The following GORASP1 variants were observed in gnomAD, a reference collection of about 807,000 sequenced individuals.
GORASP1 encodes the protein Golgi reassembly-stacking protein 1.
Under a neutral mutation model 37.7 loss-of-function variants are expected in GORASP1, and 31 were observed. The ratio of observed to expected loss-of-function variants is 0.82; its 90% CI spans 0.62 to 1.11. GORASP1 has a LOEUF of 1.11. Among genes scored for constraint, GORASP1 ranks in the 50% least tolerant of loss-of-function variants. The probability of loss-of-function intolerance (pLI) is 0.00; values close to 1 mark genes in which losing one functional copy is unlikely to be tolerated. For missense variants in GORASP1, 476 were observed against 560.7 expected (o/e 0.85, Z 1.53); for synonymous variants, 204 against 224.8 (o/e 0.91, Z 0.83).
At chr3:39,106,920 G>T in intron 1 of GORASP1, 1 of 332,262 alleles carries the variant, frequency 3.0e-6, no homozygotes, top group Non-Finnish European at 6.3e-6. Flanking sequence ...CACTCTCCCG[G>T]CCCTCCCGCT....
In GORASP1 at chr3:39,100,798, G is replaced by A; in HGVS notation, c.515C>T (p.Ser172Phe). The change falls in exon 5 of 9, where the codon TCC becomes TTC. Residue 172 changes from serine to phenylalanine, a missense_variant. Transcript: ENST00000319283. The surrounding 1 kb of genome is among the most constrained non-coding windows in gnomAD (Gnocchi z 4.6). ...GGGAGTTACAGTCACCTCCCGGCAG[G>A]AGTCTGACTTGGAGTTATACACCAT... ...KLMVYNSKSD[S>F]CREVTVTPNA... is the part of the protein sequence containing the mutation. 1 of 1,614,112 alleles carries A rather than the reference G, an allele frequency of 6.2e-7. No homozygotes were observed. Among genetic ancestry groups the A allele is most frequent in the Non-Finnish European group, 8.5e-7 (1 of 1,179,998 alleles).
At position 39,098,740 on chromosome 3, in the gene GORASP1, C is replaced by G; in HGVS notation, c.1069+1G>C. The G allele has an allele frequency of 1.9e-6, 3 of 1,613,542 alleles. No individual in the cohort carries two copies. Among genetic ancestry groups the G allele is most frequent in the African/African-American group, 2.7e-5 (2 of 75,040 alleles). On this transcript the variant is annotated splice_donor_variant, in intron 8 of 8. Transcript: ENST00000319283. LOFTEE classifies it high-confidence loss of function. This position sits in a 1 kb window ranked among gnomAD's most constrained non-coding sequence, Gnocchi z 4.7. Reference sequence around the variant, plus strand: ...GACTTCGGAAGGTGATGGCCACTCACCACCCCGCTCATGAGAACTGCTGCT... The same window carrying G: ...GACTTCGGAAGGTGATGGCCACTCAGCACCCCGCTCATGAGAACTGCTGCT...
At chr3:39,101,127 G>C (rs1202742933) in intron 3 of GORASP1, 25 bp from the exon 4 acceptor site, 1 of 1,610,048 alleles carries the variant, frequency 6.2e-7, no homozygotes, top group South Asian at 1.1e-5. Context: ...GCAAACCACT[G>C]GCCATGCTAC....
intron 1 of GORASP1, among the ~76,000 whole-genome samples, chr3:39,104,361 A>G (rs755914677): frequency 4.6e-5 from 7 of 152,050 alleles, no homozygotes; most frequent in Non-Finnish European, 8.8e-5. Context: ...AAGCACAACA[A>G]CCAGGCTTTG....
rs748722781 is a variant in GORASP1 at position 39,099,380 on chromosome 3, G to A, written c.889C>T (p.Pro297Ser). 5.0e-6 allele frequency: 8 copies of A among 1,613,586 alleles called. No individual in the cohort carries two copies. In the South Asian group the frequency reaches 5.5e-5, roughly 11 times the overall value. The part of the protein sequence containing the change: ...HFMETPLQPP[P>S]PVQRVMDPGF... ...GGGTCCATAACTCGCTGCACTGGAGGTGGGGGCTGAAGAGGAGTCTCCATG... is the reference window on the plus strand; with the variant it reads ...GGGTCCATAACTCGCTGCACTGGAGATGGGGGCTGAAGAGGAGTCTCCATG... The change falls in exon 7 of 9, where the codon CCT becomes TCT. Residue 297 changes from proline (P) to serine (S), a missense_variant. Transcript: ENST00000319283.
In GORASP1 at chr3:39,105,073, A is replaced by G. The variant is rs1191745241; in HGVS notation, c.64-1520T>C. 6.6e-6 allele frequency among the ~76,000 whole-genome samples: 1 copy of G among 152,124 alleles called. No individual in the cohort carries two copies. Among genetic ancestry groups the G allele is most frequent in the African/African-American group, 2.4e-5 (1 of 41,408 alleles). On this transcript the variant is annotated intron_variant, in intron 1 of 8. Coordinates refer to ENST00000319283, the MANE Select transcript of GORASP1 (RefSeq NM_031899.4). This position sits in a 1 kb window ranked among gnomAD's most constrained non-coding sequence, Gnocchi z 5.4. ...CATCATGAATGAGGTCCAGAGGGTC[A>G]GGCCCCAGGCCTGGCCTCCTTGACC...
At position 39,100,743 on chromosome 3, in the gene GORASP1, G is replaced by A; in HGVS notation, c.566+4C>T. ...CCCTGCAGCCCTCCAACCCCACGAA[G>A]TACCTGCCCTCTCCACCCCAGGCTG... On this transcript the variant is annotated splice_donor_region_variant and intron_variant, in intron 5 of 8. Coordinates refer to ENST00000319283, the MANE Select transcript of GORASP1 (RefSeq NM_031899.4). The surrounding 1 kb of genome is among the most constrained non-coding windows in gnomAD (Gnocchi z 4.6). 1 of 1,613,356 alleles carries A rather than the reference G, an allele frequency of 6.2e-7. No individual in the cohort carries two copies. Among genetic ancestry groups the A allele is most frequent in the Non-Finnish European group, 8.5e-7 (1 of 1,179,932 alleles).
At chr3:39,107,296 G>C (rs1384076857) in intron 1 of GORASP1, 183 bp downstream of exon 1, 4 of 460,046 alleles carry the variant, frequency 8.7e-6, no homozygotes, top group Non-Finnish European at 3.9e-6. Flanking sequence ...GCCAGGGTCC[G>C]GGAGTCCCGC....
chr3:39,102,620 C>A lies in GORASP1; in HGVS notation c.348+58G>T. ...CCCTCACACCCCGCCCACACCCAGACCTGCCCCAGTAAACTCATCCTTCCG... is the reference window on the plus strand; with the variant it reads ...CCCTCACACCCCGCCCACACCCAGAACTGCCCCAGTAAACTCATCCTTCCG... On this transcript the variant is annotated intron_variant, in intron 3 of 8. Coordinates refer to ENST00000319283, the MANE Select transcript of GORASP1 (RefSeq NM_031899.4). This position sits in a 1 kb window ranked among gnomAD's most constrained non-coding sequence, Gnocchi z 5.0. 18 of 1,578,310 alleles carry A rather than the reference C, an allele frequency of 1.1e-5. No individual in the cohort carries two copies. Among genetic ancestry groups the A allele is most frequent in the Non-Finnish European group, 1.6e-5 (18 of 1,150,770 alleles).
chr3:39,103,171 C>G lies in GORASP1; in HGVS notation c.145-290G>C. 1.7e-6 allele frequency: 1 copy of G among 592,186 alleles called. No individual in the cohort carries two copies. The highest frequency in any genetic ancestry group is 3.0e-6 in the Non-Finnish European group (1 of 332,516). The allele number at this position is 592,186 out of a possible 1,614,324, so 36.7% of individuals were successfully genotyped here. On this transcript the variant is annotated intron_variant, in intron 2 of 8. Coordinates refer to ENST00000319283, the MANE Select transcript of GORASP1 (RefSeq NM_031899.4). The surrounding 1 kb of genome is among the most constrained non-coding windows in gnomAD (Gnocchi z 5.2). ...TCCACAGCATTCCAGTGCTGCCCCACTCTGAGCTGCCCCTTGGCCAGGGCC... is the reference window on the plus strand; with the variant it reads ...TCCACAGCATTCCAGTGCTGCCCCAGTCTGAGCTGCCCCTTGGCCAGGGCC...
At position 39,100,580 on chromosome 3, in the gene GORASP1, C is replaced by G. The variant is rs1479013968; in HGVS notation, c.567-77G>C. 4 of 1,484,602 alleles carry G rather than the reference C, an allele frequency of 2.7e-6. No individual in the cohort carries two copies. Among genetic ancestry groups the G allele is most frequent in the Non-Finnish European group, 2.7e-6 (3 of 1,102,890 alleles). 92.0% of individuals were successfully genotyped at this position (1,484,602 alleles called of 1,614,324 possible). On this transcript the variant is annotated intron_variant, in intron 5 of 8. Transcript: ENST00000319283. This position sits in a 1 kb window ranked among gnomAD's most constrained non-coding sequence, Gnocchi z 4.6. ...TACCTTTGCTATCCCCACCTACTAC[C>G]AGCAATAAGGGGGCTGAAAAGGGTA...
chr3:39,103,429 AAC>A lies in GORASP1; in HGVS notation c.144+42_144+43del, dbSNP rs755233779. ...CCTGTGGGACAGATGAAGACACACAAACACACATAAGCAAGCAAAGCAGAGGC... is the reference window on the plus strand; with the variant it reads ...CCTGTGGGACAGATGAAGACACACAAACACATAAGCAAGCAAAGCAGAGGC... On this transcript the variant is annotated intron_variant, in intron 2 of 8. Coordinates refer to ENST00000319283, the MANE Select transcript of GORASP1 (RefSeq NM_031899.4). The surrounding 1 kb of genome is among the most constrained non-coding windows in gnomAD (Gnocchi z 5.2). 9.2e-6 allele frequency: 14 copies of A among 1,529,454 alleles called. No individual in the cohort carries two copies. The highest frequency in any genetic ancestry group is 1.3e-5 in the Non-Finnish European group (14 of 1,116,098). 94.7% of individuals were successfully genotyped at this position (1,529,454 alleles called of 1,614,324 possible).
At position 39,099,348 on chromosome 3, in the gene GORASP1, A is replaced by G; in HGVS notation, c.916+5T>C. 1.9e-6 allele frequency: 3 copies of G among 1,612,276 alleles called. No homozygotes were observed. The highest frequency in any genetic ancestry group is 1.3e-5 in the African/African-American group (1 of 74,870). ...GCCCACTCCTCTCCAGGGCCTGCCC[A>G]GTACCTGGGTCCATAACTCGCTGCA... On this transcript the variant is annotated splice_donor_5th_base_variant and intron_variant, in intron 7 of 8. Transcript: ENST00000319283.
Position 39,107,614 on chromosome 3 carries a change from C to A in GORASP1, c.-73G>T. Reference sequence around the variant, plus strand: ...CGGACCGACCCGACGCCAGTAGCACCGACTCGCTCTCTCGGCGCTCGATTC... The same window carrying A: ...CGGACCGACCCGACGCCAGTAGCACAGACTCGCTCTCTCGGCGCTCGATTC... On this transcript the variant is annotated 5_prime_UTR_variant, in exon 1 of 9. Transcript: ENST00000319283. 7.2e-7 allele frequency: 1 copy of A among 1,388,710 alleles called. No individual in the cohort carries two copies. Among genetic ancestry groups the A allele is most frequent in the South Asian group, 1.3e-5 (1 of 76,272 alleles). The allele number at this position is 1,388,710 out of a possible 1,614,324, so 86.0% of individuals were successfully genotyped here. A position where few individuals can be genotyped will look rare whatever the true frequency, so the allele number is the denominator to read the frequency against.
rs1008398519 is a variant in GORASP1, at chr3:39,103,284, G to A, written c.144+189C>T. The A allele has an allele frequency of 7.7e-5, 46 of 596,714 alleles. 2 individuals are homozygous for A. In the South Asian group the frequency reaches 7.7e-4, roughly 10 times the overall value. The allele number at this position is 596,714 out of a possible 1,614,324, so 37.0% of individuals were successfully genotyped here. A position where few individuals can be genotyped will look rare whatever the true frequency, so the allele number is the denominator to read the frequency against. ...ATATGTCCTCTGTCCACCCCACAGA[G>A]CTCAGAAGCTGAGCACTGGGCAGGG... is the stretch of plus-strand genomic sequence containing the variant. On this transcript the variant is annotated intron_variant, in intron 2 of 8. Transcript: ENST00000319283. This position sits in a 1 kb window ranked among gnomAD's most constrained non-coding sequence, Gnocchi z 5.2.
Position 39,100,805 on chromosome 3 carries a change from A to G in GORASP1, c.508T>C (p.Ser170Pro). The change falls in exon 5 of 9, where the codon TCA becomes CCA. Residue 170 changes from serine (S) to proline (P), a missense_variant. Ser to Pro is a moderately conservative substitution (Grantham distance 74). Transcript: ENST00000319283. This position sits in a 1 kb window ranked among gnomAD's most constrained non-coding sequence, Gnocchi z 4.6. ...ACAGTCACCTCCCGGCAGGAGTCTG[A>G]CTTGGAGTTATACACCATCAGCTTC... ...PLKLMVYNSK[S>P]DSCREVTVTP... is the part of the protein sequence containing the mutation. 6.2e-7 allele frequency: 1 copy of G among 1,614,102 alleles called. No individual in the cohort carries two copies. Among genetic ancestry groups the G allele is most frequent in the African/African-American group, 1.3e-5 (1 of 75,024 alleles).
Position 39,100,843 on chromosome 3 carries a change from T to C in GORASP1, c.470A>G (p.Glu157Gly). ...CACCATCAGCTTCAAGGGCTTCCCC[T>C]CATGAGACTCGATGAGCGTAAAGAA... ...EDFFTLIESHEGKPLKLMVYN... is the reference protein window; with the variant it reads ...EDFFTLIESHGGKPLKLMVYN... The change falls in exon 5 of 9, where the codon GAG (glutamate) becomes GGG (glycine). Residue 157 changes from glutamate (E) to glycine (G), a missense_variant. Coordinates refer to ENST00000319283, the MANE Select transcript of GORASP1 (RefSeq NM_031899.4). The surrounding 1 kb of genome is among the most constrained non-coding windows in gnomAD (Gnocchi z 4.6). 1 of 1,614,120 alleles carries C rather than the reference T, an allele frequency of 6.2e-7. No homozygotes were observed. Among genetic ancestry groups the C allele is most frequent in the Non-Finnish European group, 8.5e-7 (1 of 1,179,994 alleles).
chr3:39,100,243 G>A lies in GORASP1; in HGVS notation c.765+62C>T. The A allele has an allele frequency of 6.8e-7, 1 of 1,464,056 alleles. No homozygotes were observed. Among genetic ancestry groups the A allele is most frequent in the South Asian group, 1.1e-5 (1 of 87,490 alleles). 90.7% of individuals were successfully genotyped at this position (1,464,056 alleles called of 1,614,324 possible). On this transcript the variant is annotated intron_variant, in intron 6 of 8. Coordinates refer to ENST00000319283, the MANE Select transcript of GORASP1 (RefSeq NM_031899.4). This position sits in a 1 kb window ranked among gnomAD's most constrained non-coding sequence, Gnocchi z 4.6. ...AGGCCCCTGGTGAGGGTTGCTGATG[G>A]CTCCCCAAGGGCAGCCTCTAGAGTT...
At chr3:39,104,384 G>A (rs1343493524) in intron 1 of GORASP1, among the ~76,000 whole-genome samples, 1 of 152,192 alleles carries the variant, frequency 6.6e-6, no homozygotes, top group African/African-American at 2.4e-5. Context: ...GGCTGTGGCA[G>A]AAATCCATCC....
Sources: allele counts gnomAD v4.1 joint callset (sites outside exome capture counted in the v4.1 genomes callset), GRCh38; gene constraint gnomAD v4.1.1; non-coding constraint Gnocchi (gnomAD v3.1); transcripts MANE v1.5; gene names NCBI Gene and HGNC (gene_info 2026-07-23, HGNC 2026-07-21).